The following PRH1 variants were observed in gnomAD, a reference collection of about 807,000 sequenced individuals.
The protein encoded by PRH1 is salivary acidic proline-rich phosphoprotein 1/2.
In PRH1, 7 loss-of-function variants were observed where a neutral mutation model predicts 7.9. The observed-to-expected ratio is 0.89, with a 90% CI of 0.50 to 1.67. PRH1 has a LOEUF of 1.67. PRH1 is among the 40% of genes most tolerant of loss of function. PRH1 has a pLI of 0.00. For synonymous variants in PRH1, 45 were observed against 80.8 expected (o/e 0.56, Z 2.38); for missense variants, 109 against 223.6 (o/e 0.49, Z 3.27).
At chr12:10,943,560 G>T (rs1950437813) in intron 2 of PRH1, among the ~76,000 whole-genome samples, 1 of 151,872 alleles carries the variant, frequency 6.6e-6, no homozygotes, top group African/African-American at 2.4e-5. Context: ...TCTTGTGCAG[G>T]GGCTCTTAAG....
intron 2 of PRH1, chr12:10,909,229 T>C (rs1949858384): frequency 6.2e-7 from 1 of 1,613,768 alleles, no homozygotes; most frequent in Non-Finnish European, 8.5e-7. Context: ...ATAAATCCAT[T>C]GCTCAAATTC....
intron 1 of PRH1, among the ~76,000 whole-genome samples, chr12:11,056,772 C>G (rs1274321027): frequency 1.3e-5 from 2 of 152,066 alleles, no homozygotes; most frequent in Admixed American, 1.3e-4. Flanking sequence ...TAGTCGAGAT[C>G]ACACCACTGC....
At chr12:11,140,653 AT>A (rs1284512120) in intron 1 of PRH1, among the ~76,000 whole-genome samples, 11 of 152,136 alleles carry the variant, frequency 7.2e-5, no homozygotes, top group Non-Finnish European at 5.9e-5. Context: ...GTAAGGTAAA[AT>A]TTTCCATATT....
At chr12:11,134,258 A>G (rs1946482156) in intron 1 of PRH1, 24 of 1,596,186 alleles carry the variant, frequency 1.5e-5, no homozygotes, top group Non-Finnish European at 2.0e-5. Context: ...TGAACAGACA[A>G]AAAGAAATTT....
At chr12:11,070,746 C>T (rs1330535400) in intron 1 of PRH1, among the ~76,000 whole-genome samples, 2 of 119,110 alleles carry the variant, frequency 1.7e-5, no homozygotes, top group Non-Finnish European at 2.0e-5. Flanking sequence ...TGAACTAACA[C>T]TAATTATCTA....
At chr12:11,017,290 A>G (rs1335615589) in intron 1 of PRH1, among the ~76,000 whole-genome samples, 4 of 152,156 alleles carry the variant, frequency 2.6e-5, no homozygotes, top group Admixed American at 2.6e-4. Flanking sequence ...TTAATATATT[A>G]ATAATGTTAC....
chr12:10,965,116 T>G (rs535127639), intron 2 of PRH1: 1 of 1,375,374 alleles, frequency 7.3e-7, no homozygotes, highest in East Asian at 3.3e-5. Flanking sequence ...TAATTCTTAC[T>G]CCTAAACTAT....
intron 1 of PRH1, chr12:11,061,966 A>G (rs780775513): frequency 6.2e-7 from 1 of 1,613,980 alleles, no homozygotes; most frequent in South Asian, 1.1e-5. Flanking sequence ...GAAATTGGCA[A>G]TCTTGAGCAA....
chr12:10,986,265 A>G (rs752651750), intron 1 of PRH1: 1 of 1,614,016 alleles, frequency 6.2e-7, no homozygotes, highest in Non-Finnish European at 8.5e-7. Context: ...CAGAGAACAG[A>G]TTAGCATCAG....
chr12:11,032,548 G>C (rs1942270885), intron 1 of PRH1, among the ~76,000 whole-genome samples: 1 of 152,052 alleles, frequency 6.6e-6, no homozygotes, highest in South Asian at 2.1e-4. Flanking sequence ...TTATTTTCTT[G>C]TAATTTCCAA....
At position 10,882,491 on chromosome 12, in the gene PRH1, TG is replaced by T; in HGVS notation, c.307del (p.Gln103LysfsTer94). 2 of 1,400,000 alleles carry T rather than the reference TG, an allele frequency of 1.4e-6. No homozygotes were observed. The highest frequency in any genetic ancestry group is 2.4e-5 in the Admixed American group (1 of 41,148). 86.7% of individuals were successfully genotyped at this position (1,400,000 alleles called of 1,614,324 possible). A position where few individuals can be genotyped will look rare whatever the true frequency, so the allele number is the denominator to read the frequency against. On this transcript the variant is annotated frameshift_variant, in exon 3 of 4. Coordinates refer to ENST00000543626, the MANE Select transcript of PRH1 (RefSeq NM_001393989.1). LOFTEE classifies it low-confidence loss of function (END_TRUNC). ...CTTTCCCTGAGGAGGTGGTGGACCTTGTTGCTGCTGGCCTCCTTGTTGGGGT... is the reference window on the plus strand; with the variant it reads ...CTTTCCCTGAGGAGGTGGTGGACCTTTTGCTGCTGGCCTCCTTGTTGGGGT... Reference protein sequence around the residue: ...GPPQQGGQQQQGPPPPQGKPQ... With the variant: ...GPPQQGGQQQXGPPPPQGKPQ...
chr12:11,057,642 T>C (rs1943420057), intron 1 of PRH1, among the ~76,000 whole-genome samples: 2 of 152,230 alleles, frequency 1.3e-5, no homozygotes, highest in South Asian at 4.1e-4. Flanking sequence ...TCACTTAACC[T>C]ATCTGGCCTC....
intron 1 of PRH1, among the ~76,000 whole-genome samples, chr12:11,033,855 T>C (rs1942328977): frequency 6.6e-6 from 1 of 152,076 alleles, no homozygotes; most frequent in Non-Finnish European, 1.5e-5. Context: ...AATGAACCAA[T>C]ACAAAAATGG....
rs145161041 is a variant in PRH1, at chr12:11,073,767, C to T, written n.124-26579G>A. Among the ~76,000 whole-genome samples the T allele has an allele frequency of 5.3e-3, 800 of 152,252 alleles. 14 individuals carry two copies. The highest frequency in any genetic ancestry group is 0.018 in the African/African-American group (760 of 41,542). On this transcript the variant is annotated intron_variant and non_coding_transcript_variant, in intron 1 of 4. Transcript: ENST00000541977. ...GATGATCCAGCAGAATTCAAAGCTG[C>T]TAGAGGCATGCATCGTGGGCATTAT...
At chr12:10,958,704 G>A (rs1168646002) in intron 2 of PRH1, among the ~76,000 whole-genome samples, 2 of 152,142 alleles carry the variant, frequency 1.3e-5, no homozygotes, top group Non-Finnish European at 2.9e-5. Context: ...AAGAAGAAGG[G>A]ACACAAGTAT....
intron 2 of PRH1, among the ~76,000 whole-genome samples, chr12:10,890,340 C>T (rs952799693): frequency 3.3e-5 from 5 of 151,952 alleles, no homozygotes; most frequent in Non-Finnish European, 5.9e-5. Flanking sequence ...AGCAGTGCAT[C>T]GAATGGGTCC....
chr12:10,966,725 C>T (rs939222835), intron 2 of PRH1, among the ~76,000 whole-genome samples: 3 of 152,200 alleles, frequency 2.0e-5, no homozygotes, highest in South Asian at 4.1e-4. Context: ...CAAAACCAAG[C>T]GTGTGGGAAA....
At chr12:11,159,721 A>G (rs1218830063) in intron 1 of PRH1, 1 of 152,188 alleles carries the variant, frequency 6.6e-6, no homozygotes, top group Non-Finnish European at 1.5e-5. Context: ...CCGATATTCT[A>G]CTTCACTGAC....
At chr12:11,149,888 C>T (rs1352228404) in intron 1 of PRH1, among the ~76,000 whole-genome samples, 7 of 138,188 alleles carry the variant, frequency 5.1e-5, no homozygotes, top group Admixed American at 7.4e-5. Context: ...AGGCAACCTA[C>T]AGAATGGGAG....
Sources: gnomAD v4.1 joint callset for allele counts (sites outside exome capture counted in the v4.1 genomes callset) on GRCh38, gnomAD v4.1.1 for gene constraint, MANE v1.5 for transcripts, NCBI Gene and HGNC (gene_info 2026-07-23, HGNC 2026-07-21) for gene names.